Variants in URB1 observed in about 807,000 individuals in gnomAD.
URB1 encodes nucleolar pre-ribosomal-associated protein 1.
URB1 carries 197 observed loss-of-function variants against 242.3 expected under a neutral mutation model. The observed-to-expected ratio is 0.81, with a 90% CI of 0.72 to 0.91. The LOEUF is 0.91. Ranked by LOEUF, URB1 falls within the 40% of genes least tolerant of loss-of-function variation. The pLI is 0.00. For synonymous variants in URB1, 1,153 were observed against 1,201.8 expected, an observed-to-expected ratio of 0.96 and a Z score of 0.84; for missense variants, 2,721 against 2,860.5, an observed-to-expected ratio of 0.95 and a Z score of 1.11.
At position 32,338,722 on chromosome 21, in the gene URB1, C is replaced by A. The variant is rs754126391; in HGVS notation, c.4495G>T (p.Asp1499Tyr). Residue 1499 changes from aspartate to tyrosine, a missense_variant, in exon 26 of 39, where the codon GAC becomes TAC. Transcript: ENST00000382751. Reference protein sequence around the residue: ...LLTSDGEESPDSQVKEALVDL... With the variant: ...LLTSDGEESPYSQVKEALVDL... ...GAGGGGTCACCTTTTACTTGGCTGT[C>A]CGGGCTCTCCTCTCCGTCAGACGTC... is the stretch of plus-strand genomic sequence containing the variant. 1 of 1,551,166 alleles carries A rather than the reference C, an allele frequency of 6.4e-7. No individual in the cohort carries two copies. Among genetic ancestry groups the A allele is most frequent in the African/African-American group, 1.4e-5 (1 of 72,982 alleles).
Position 32,319,275 on chromosome 21 carries a change from C to G in URB1, c.5734G>C (p.Ala1912Pro), listed in dbSNP as rs1281834278. 1 of 1,551,248 alleles carries G rather than the reference C, an allele frequency of 6.4e-7. No individual in the cohort carries two copies. The highest frequency in any genetic ancestry group is 2.0e-5 in the Admixed American group (1 of 50,932). ...PSSQEPAKRL[A>P]LHLVNEFLYV... ...AGGAACTCATTGACCAGGTGCAGGG[C>G]AAGCCGCTTGGCAGGCTCCTGGGAG... is the stretch of plus-strand genomic sequence containing the variant. Residue 1912 changes from alanine (A) to proline (P), a missense_variant, in exon 36 of 39, where the codon GCC becomes CCC. By Grantham distance (27) the Ala-to-Pro change is conservative. Transcript: ENST00000382751.
chr21:32,392,991 G>T lies in URB1; in HGVS notation c.-81C>A. ...GCACTGGCACAGACAGCAGACACGC[G>T]CTTCAGGCCCACATGGCGCAGGAAG... On this transcript the variant is annotated 5_prime_UTR_variant, in exon 1 of 39. Transcript: ENST00000382751. 2 of 1,398,030 alleles carry T rather than the reference G, an allele frequency of 1.4e-6. No individual in the cohort carries two copies. The highest frequency in any genetic ancestry group is 1.9e-6 in the Non-Finnish European group (2 of 1,072,352). 86.6% of individuals were successfully genotyped at this position (1,398,030 alleles called of 1,614,324 possible). A position where few individuals can be genotyped will look rare whatever the true frequency, so the allele number is the denominator to read the frequency against.
At chr21:32,383,320 T>C (rs1229423902) in intron 4 of URB1, 102 bp downstream of exon 4, 2 of 1,368,330 alleles carry the variant, frequency 1.5e-6, no homozygotes, top group African/African-American at 1.5e-5. Flanking sequence ...ACCTCTCATT[T>C]CATCTGTGTG....
In URB1 at chr21:32,345,301, G is replaced by T. The variant is rs192398357; in HGVS notation, c.4070+73C>A. ...AACAGTAATGCAGCAGTTTTTCAAT[G>T]ACTTACTCTATGAATTAAAAAAAAA... On this transcript the variant is annotated intron_variant, in intron 23 of 38. Coordinates refer to ENST00000382751, the MANE Select transcript of URB1 (RefSeq NM_014825.3). 8 of 1,471,612 alleles carry T rather than the reference G, an allele frequency of 5.4e-6. No homozygotes were observed. In the East Asian group the frequency reaches 7.5e-5, roughly 14 times the overall value. 91.2% of individuals were successfully genotyped at this position (1,471,612 alleles called of 1,614,324 possible).
At chr21:32,381,029 TGACATGA>T (rs1568832931) in intron 4 of URB1, among the ~76,000 whole-genome samples, 1 of 152,234 alleles carries the variant, frequency 6.6e-6, no homozygotes, top group Non-Finnish European at 1.5e-5. Context: ...TTTCACGTCC[TGACATGA>T]TGGAGGAACT....
intron 4 of URB1, among the ~76,000 whole-genome samples, chr21:32,382,354 A>C (rs1195751337): frequency 6.6e-6 from 1 of 152,226 alleles, no homozygotes; most frequent in East Asian, 1.9e-4. Flanking sequence ...TTGTTGACAC[A>C]TGGATAAAGC....
chr21:32,319,096 C>G (rs1180552159), intron 36 of URB1, 121 bp downstream of exon 36: 4 of 955,542 alleles, frequency 4.2e-6, no homozygotes, highest in Non-Finnish European at 6.0e-6. Context: ...CAATCCACAG[C>G]AGATCACGGC....
intron 31 of URB1, 102 bp from the exon 32 acceptor site, chr21:32,324,704 G>A (rs1393568946): frequency 3.7e-6 from 3 of 808,620 alleles, no homozygotes; most frequent in African/African-American, 3.4e-5. Context: ...GGGTGTGCCT[G>A]CTTCTCATAT....
At position 32,385,630 on chromosome 21, in the gene URB1, T is replaced by A. The variant is rs1363418282; in HGVS notation, c.197A>T (p.Asp66Val). 6.4e-7 allele frequency: 1 copy of A among 1,551,492 alleles called. No individual in the cohort carries two copies. Among genetic ancestry groups the A allele is most frequent in the East Asian group, 2.4e-5 (1 of 40,898 alleles). ...AKKLPREDVY[D>V]VVEGYIKISV... ...AATCTTTATATACCCTTCCACAACA[T>A]CATACACATCTTCTCGTGGTAGCTT... Residue 66 changes from aspartate to valine, a missense_variant, in exon 2 of 39, where the codon GAT (aspartate) becomes GTT (valine). Asp to Val is a radical substitution (Grantham distance 152). Coordinates refer to ENST00000382751, the MANE Select transcript of URB1 (RefSeq NM_014825.3).
At position 32,312,105 on chromosome 21, in the gene URB1, C is replaced by A. The variant is rs886065757; in HGVS notation, c.*2813G>T. The A allele has an allele frequency of 2.5e-6, 4 of 1,575,226 alleles. No individual in the cohort carries two copies. Among genetic ancestry groups the A allele is most frequent in the African/African-American group, 1.3e-5 (1 of 74,472 alleles). ...CCATTTGCATGTAGCAGAAAGGGCACCTAGGTCAAGTGCAACTAGAGCAGG... is the reference window on the plus strand; with the variant it reads ...CCATTTGCATGTAGCAGAAAGGGCAACTAGGTCAAGTGCAACTAGAGCAGG... On this transcript the variant is annotated 3_prime_UTR_variant, in exon 39 of 39. Coordinates refer to ENST00000382751, the MANE Select transcript of URB1 (RefSeq NM_014825.3).
intron 1 of URB1, among the ~76,000 whole-genome samples, chr21:32,388,248 C>A (rs181527048): frequency 7.9e-5 from 12 of 152,104 alleles, no homozygotes; most frequent in African/African-American, 2.9e-4. Context: ...ACCTGTATAA[C>A]GGAACAAGAA....
At chr21:32,316,355 A>C in intron 38 of URB1, 111 bp downstream of exon 38, 1 of 1,417,340 alleles carries the variant, frequency 7.1e-7, no homozygotes, top group Middle Eastern at 1.8e-4. Context: ...CACAATACCC[A>C]GCTGAGGAAG....
chr21:32,392,214 T>G (rs1323805863), intron 1 of URB1, among the ~76,000 whole-genome samples: 1 of 152,004 alleles, frequency 6.6e-6, no homozygotes, highest in Admixed American at 6.6e-5. Context: ...TCGCGAAGGG[T>G]GGTCACACTT....
In URB1 at chr21:32,384,392, C is replaced by A; in HGVS notation, c.355G>T (p.Val119Leu). ...TASDLSHFHV[V>L]GTNIVKKLMN... Reference sequence around the variant, plus strand: ...AGCTTTTTCACAATGTTGGTTCCCACAACATGGAAATGTGAAAGATCACTT... The same window carrying A: ...AGCTTTTTCACAATGTTGGTTCCCAAAACATGGAAATGTGAAAGATCACTT... The change falls in exon 3 of 39, where the codon GTG (valine) becomes TTG (leucine). Residue 119 changes from valine (V) to leucine (L), a missense_variant. By Grantham distance (32) the Val-to-Leu change is conservative. Transcript: ENST00000382751. 1 of 1,552,234 alleles carries A rather than the reference C, an allele frequency of 6.4e-7. No individual in the cohort carries two copies. Among genetic ancestry groups the A allele is most frequent in the Non-Finnish European group, 8.7e-7 (1 of 1,147,094 alleles).
chr21:32,391,904 A>G (rs1332403128), intron 1 of URB1, among the ~76,000 whole-genome samples: 1 of 151,938 alleles, frequency 6.6e-6, no homozygotes, highest in African/African-American at 2.4e-5. Context: ...TGCACCTACA[A>G]TCTCAGCTAC....
intron 6 of URB1, among the ~76,000 whole-genome samples, chr21:32,374,981 A>G (rs2033443576): frequency 6.6e-6 from 1 of 152,234 alleles, no homozygotes; most frequent in Admixed American, 6.5e-5. Context: ...AAAGGCAGTG[A>G]TCTTTTTAGC....
At position 32,341,523 on chromosome 21, in the gene URB1, T is replaced by A; in HGVS notation, c.4259A>T (p.His1420Leu). 6.4e-7 allele frequency: 1 copy of A among 1,551,366 alleles called. No individual in the cohort carries two copies. Among genetic ancestry groups the A allele is most frequent in the South Asian group, 1.2e-5 (1 of 84,054 alleles). The change falls in exon 25 of 39, where the codon CAT (histidine) becomes CTT (leucine). Residue 1420 changes from histidine to leucine, a missense_variant and splice_region_variant. Physicochemically the swap from His to Leu is moderately conservative, Grantham distance 99. Coordinates refer to ENST00000382751, the MANE Select transcript of URB1 (RefSeq NM_014825.3). ...EMLLRLNALLHALNEVDPGDW... is the reference protein window; with the variant it reads ...EMLLRLNALLLALNEVDPGDW... ...ACCAGGATCAACTTCATTAAGTGCA[T>A]GCTATGAATAAAATAAGTAAGAAAA...
chr21:32,326,317 A>G (rs1432692510), intron 30 of URB1, among the ~76,000 whole-genome samples: 1 of 152,250 alleles, frequency 6.6e-6, no homozygotes, highest in Non-Finnish European at 1.5e-5. Flanking sequence ...ACACAAGCCA[A>G]CTGAAATGAC....
chr21:32,363,645 C>A (rs1272460593), intron 10 of URB1, among the ~76,000 whole-genome samples: 1 of 152,154 alleles, frequency 6.6e-6, no homozygotes, highest in Non-Finnish European at 1.5e-5. Flanking sequence ...AACAACAGAT[C>A]TCACCAGAAC....
Sources: allele counts gnomAD v4.1 joint callset (sites outside exome capture counted in the v4.1 genomes callset), GRCh38; gene constraint gnomAD v4.1.1; transcripts MANE v1.5; gene names NCBI Gene and HGNC (gene_info 2026-07-23, HGNC 2026-07-21).